LRRC69: variants seen among roughly 807,000 people sequenced by gnomAD.
LRRC69 encodes the protein leucine-rich repeat-containing protein 69.
A neutral mutation model predicts 37.8 loss-of-function variants in LRRC69; 42 were observed. The observed-to-expected ratio is 1.11, with a 90% CI of 0.87 to 1.44. The LOEUF (loss-of-function observed/expected upper bound fraction) is 1.44, where lower values mean the gene tolerates loss of function less well. Ranked by LOEUF, LRRC69 falls within the 40% of genes most tolerant of loss-of-function variation. The pLI is 0.00. For synonymous variants in LRRC69, 141 were observed against 143.1 expected, an observed-to-expected ratio of 0.99 and a Z score of 0.11; for missense variants, 357 against 401.9, an observed-to-expected ratio of 0.89 and a Z score of 0.96.
chr8:91,160,975 C>A (rs954869879), intron 5 of LRRC69, among the ~76,000 whole-genome samples: 3 of 151,142 alleles, frequency 2.0e-5, no homozygotes, highest in East Asian at 1.9e-4. Flanking sequence ...TCCTTTAATA[C>A]CTAATTTGTT....
chr8:91,216,252 G>C (rs1413732476), intron 7 of LRRC69, among the ~76,000 whole-genome samples: 1 of 152,080 alleles, frequency 6.6e-6, no homozygotes, highest in Non-Finnish European at 1.5e-5. Context: ...AGGGGAAAGA[G>C]GGACACAGAC....
At chr8:91,124,135 T>G (rs1429593737) in intron 1 of LRRC69, among the ~76,000 whole-genome samples, 1 of 151,934 alleles carries the variant, frequency 6.6e-6, no homozygotes, top group Non-Finnish European at 1.5e-5. Flanking sequence ...TGCTGAGTGT[T>G]TAATAGTTTG....
intron 7 of LRRC69, chr8:91,206,775 C>T (rs1463725343): frequency 1.6e-6 from 2 of 1,289,614 alleles, no homozygotes; most frequent in East Asian, 1.1e-4. Flanking sequence ...AATATGTCAC[C>T]TGGAATACCT....
rs1808619926 is a variant in LRRC69 at position 91,146,459 on chromosome 8, T to G, written c.651+10720T>G. Among the ~76,000 whole-genome samples, 4 of 151,946 alleles carry G rather than the reference T, an allele frequency of 2.6e-5. No individual in the cohort carries two copies. In the South Asian group the frequency reaches 8.3e-4, roughly 31 times the overall value. On this transcript the variant is annotated intron_variant, in intron 5 of 7. Transcript: ENST00000448384. ...GTAAACTTTAAAAAATTAAAAATAT[T>G]ATAAAGAGAGTCTGATTGAAATCAA...
chr8:91,184,570 AT>A (rs1809374623), intron 5 of LRRC69, among the ~76,000 whole-genome samples: 1 of 151,960 alleles, frequency 6.6e-6, no homozygotes, highest in African/African-American at 2.4e-5. Context: ...GTCATGAGTA[AT>A]TTTCTTTGGT....
intron 7 of LRRC69, among the ~76,000 whole-genome samples, chr8:91,208,638 T>G (rs1477276038): frequency 6.6e-6 from 1 of 152,226 alleles, no homozygotes; most frequent in Non-Finnish European, 1.5e-5. Flanking sequence ...ATTTTAGGAT[T>G]TCCTAAGTCA....
At chr8:91,116,117 C>T (rs762802389) in intron 1 of LRRC69, among the ~76,000 whole-genome samples, 6 of 151,874 alleles carry the variant, frequency 4.0e-5, no homozygotes, top group Non-Finnish European at 5.9e-5. Flanking sequence ...AGTAAAGTGT[C>T]AATATGTATG....
At chr8:91,168,156 C>T (rs1318503832) in intron 5 of LRRC69, among the ~76,000 whole-genome samples, 2 of 151,740 alleles carry the variant, frequency 1.3e-5, no homozygotes, top group African/African-American at 4.8e-5. Flanking sequence ...GCATTGTAAG[C>T]CCAGGAGGGG....
At chr8:91,201,168 G>C (rs1809705863) in intron 7 of LRRC69, among the ~76,000 whole-genome samples, 1 of 152,062 alleles carries the variant, frequency 6.6e-6, no homozygotes, top group Non-Finnish European at 1.5e-5. Flanking sequence ...GAATGTGCTG[G>C]CTAGTTTATA....
intron 5 of LRRC69, among the ~76,000 whole-genome samples, chr8:91,156,020 TG>T (rs1475594274): frequency 6.7e-6 from 1 of 150,262 alleles, no homozygotes; most frequent in Non-Finnish European, 1.5e-5. Flanking sequence ...ACTGTAAACA[TG>T]GGGGTGCAGA....
chr8:91,161,012 G>C (rs1808934157), intron 5 of LRRC69, among the ~76,000 whole-genome samples: 1 of 151,272 alleles, frequency 6.6e-6, no homozygotes, highest in South Asian at 2.1e-4. Context: ...ACAAGGTGTA[G>C]AATTTTATCA....
At chr8:91,119,335 A>G (rs1209886564) in intron 1 of LRRC69, among the ~76,000 whole-genome samples, 1 of 152,052 alleles carries the variant, frequency 6.6e-6, no homozygotes, top group Non-Finnish European at 1.5e-5. Flanking sequence ...TTTAAGAGAC[A>G]TTTATGAATT....
At chr8:91,174,189 G>T (rs1162501577) in intron 5 of LRRC69, among the ~76,000 whole-genome samples, 1 of 151,904 alleles carries the variant, frequency 6.6e-6, no homozygotes, top group East Asian at 1.9e-4. Flanking sequence ...GAGGCTGTGT[G>T]GAAGAAATGA....
chr8:91,158,355 C>T, intron 5 of LRRC69: 1 of 1,445,454 alleles, frequency 6.9e-7, no homozygotes. Flanking sequence ...GAGAATGAAT[C>T]TTGGTATTTA....
intron 5 of LRRC69, among the ~76,000 whole-genome samples, chr8:91,169,304 T>A (rs1479605832): frequency 6.6e-6 from 1 of 151,910 alleles, no homozygotes; most frequent in African/African-American, 2.4e-5. Context: ...TATCAAGTAC[T>A]ATGATTATTA....
chr8:91,185,592 T>C (rs548932868), intron 5 of LRRC69, among the ~76,000 whole-genome samples: 3 of 152,090 alleles, frequency 2.0e-5, no homozygotes, highest in African/African-American at 7.2e-5. Context: ...TTCTTTCTTA[T>C]GTTCAAATGA....
At chr8:91,195,300 C>G (rs1247928692) in intron 6 of LRRC69, among the ~76,000 whole-genome samples, 1 of 151,258 alleles carries the variant, frequency 6.6e-6, no homozygotes, top group Non-Finnish European at 1.5e-5. Flanking sequence ...TGGTGTGGTG[C>G]TGAAAAAAAT....
intron 5 of LRRC69, among the ~76,000 whole-genome samples, chr8:91,155,668 C>G (rs1357986209): frequency 1.3e-5 from 2 of 150,690 alleles, no homozygotes; most frequent in African/African-American, 4.8e-5. Context: ...CCTCTAATAA[C>G]CACTATTCTA....
At chr8:91,157,695 G>T in intron 5 of LRRC69, 2 of 1,598,142 alleles carry the variant, frequency 1.3e-6, no homozygotes, top group Non-Finnish European at 1.7e-6. Context: ...TACACAGGCG[G>T]CATGAAGCAA....
Sources: allele counts gnomAD v4.1 joint callset (sites outside exome capture counted in the v4.1 genomes callset), GRCh38; gene constraint gnomAD v4.1.1; transcripts MANE v1.5; gene names NCBI Gene and HGNC (gene_info 2026-07-23, HGNC 2026-07-21).